Variants in GLT6D1 observed in about 807,000 individuals in gnomAD.
GLT6D1 encodes the protein putative glycosyltransferase 6 domain-containing protein 1.
GLT6D1 carries 9 observed loss-of-function variants against 12.3 expected under a neutral mutation model. The ratio of observed to expected loss-of-function variants is 0.73; its 90% CI spans 0.44 to 1.27. The LOEUF (loss-of-function observed/expected upper bound fraction) is 1.27. Ranked by LOEUF, GLT6D1 falls within the 50% of genes most tolerant of loss-of-function variation. The pLI, the probability that GLT6D1 is intolerant of heterozygous loss-of-function variation, is 0.00. For synonymous variants in GLT6D1, 128 were observed against 132.3 expected, an observed-to-expected ratio of 0.97 and a Z score of 0.23; for missense variants, 335 against 346.2, an observed-to-expected ratio of 0.97 and a Z score of 0.26.
intron 3 of GLT6D1, among the ~76,000 whole-genome samples, chr9:135,627,613 T>C (rs1250604877): frequency 6.6e-6 from 1 of 152,208 alleles, no homozygotes; most frequent in African/African-American, 2.4e-5. Context: ...CTATTACAAA[T>C]ACTACTATTA....
chr9:135,636,443 C>A (rs1833774953), intron 2 of GLT6D1, among the ~76,000 whole-genome samples: 2 of 152,216 alleles, frequency 1.3e-5, no homozygotes, highest in Admixed American at 1.3e-4. Context: ...TGGGATTGTT[C>A]TGTACATTTG....
chr9:135,625,178 T>A (rs528053902), intron 4 of GLT6D1, among the ~76,000 whole-genome samples: 2 of 151,654 alleles, frequency 1.3e-5, no homozygotes, highest in East Asian at 3.9e-4. Context: ...AGTTGGTGAG[T>A]GGGAAGGAAT....
At chr9:135,625,790 A>G (rs972224906) in intron 4 of GLT6D1, among the ~76,000 whole-genome samples, 13 of 152,210 alleles carry the variant, frequency 8.5e-5, no homozygotes, top group Admixed American at 8.5e-4. Flanking sequence ...GGACCTGTGC[A>G]CTAGGGGATA....
intron 4 of GLT6D1, 122 bp downstream of exon 4, chr9:135,625,947 A>G: frequency 9.1e-7 from 1 of 1,094,598 alleles, no homozygotes; most frequent in East Asian, 2.5e-5. Context: ...CTCCCCAGAA[A>G]TCGTGGCTAT....
intron 2 of GLT6D1, among the ~76,000 whole-genome samples, chr9:135,632,690 C>G (rs949034775): frequency 7.1e-6 from 1 of 140,454 alleles, no homozygotes; most frequent in Admixed American, 7.4e-5. Context: ...TTTTTCGAGA[C>G]AGAGTCTTGC....
In GLT6D1 at chr9:135,624,488, G is replaced by A; in HGVS notation, c.440C>T (p.Pro147Leu). The A allele has an allele frequency of 1.9e-6, 3 of 1,608,258 alleles. No individual in the cohort carries two copies. The highest frequency in any genetic ancestry group is 1.7e-6 in the Non-Finnish European group (2 of 1,177,076). The part of the protein sequence containing the change: ...VGTERWWLDG[P>L]LVHVKSLGEH... ...ACCCAGGCTCTTCACATGCACCAGG[G>A]GGCCATCGAGCCACCACCTCTCGGT... Residue 147 changes from proline (P) to leucine (L), a missense_variant, in exon 5 of 5, where the codon CCC becomes CTC. Pro to Leu is a moderately conservative substitution (Grantham distance 98, BLOSUM62 -3). Transcript: ENST00000371763.
intron 2 of GLT6D1, among the ~76,000 whole-genome samples, chr9:135,636,295 G>A (rs1247685450): frequency 2.0e-5 from 3 of 152,104 alleles, no homozygotes; most frequent in African/African-American, 7.2e-5. Context: ...CAGAAGTTGT[G>A]GTGAGTTGAG....
chr9:135,625,956 A>G (rs1833503925), intron 4 of GLT6D1, 113 bp downstream of exon 4: 1 of 1,205,262 alleles, frequency 8.3e-7, no homozygotes. Flanking sequence ...AATCGTGGCT[A>G]TTGTTATCAC....
chr9:135,626,753 T>G (rs1229525210), intron 3 of GLT6D1, among the ~76,000 whole-genome samples: 1 of 152,056 alleles, frequency 6.6e-6, no homozygotes, highest in Non-Finnish European at 1.5e-5. Context: ...GGCCCACCAG[T>G]GCAATCCAGC....
rs931156493 is a variant in GLT6D1 at position 135,639,407 on chromosome 9, G to A, written c.-121C>T. ...ACTGTTCCCCGTGGGTCAGCTGCAC[G>A]TGCACTGTCTCTCCCCGTGTTCACA... On this transcript the variant is annotated 5_prime_UTR_variant, in exon 1 of 5. In the 5' UTR this introduces an upstream ATG that the reference lacks. Transcript: ENST00000371763. The A allele has an allele frequency of 4.7e-5, 21 of 445,954 alleles. No homozygotes were observed. Among genetic ancestry groups the A allele is most frequent in the Admixed American group, 4.0e-4 (10 of 24,858 alleles). 27.6% of individuals were successfully genotyped at this position (445,954 alleles called of 1,614,324 possible). A position where few individuals can be genotyped will look rare whatever the true frequency, so the allele number is the denominator to read the frequency against.
chr9:135,629,452 A>T (rs1261560617), intron 3 of GLT6D1, among the ~76,000 whole-genome samples: 1 of 152,176 alleles, frequency 6.6e-6, no homozygotes. Flanking sequence ...TAATTTTAGA[A>T]TTTAGAAAAA....
chr9:135,629,991 G>A (rs1037038829), intron 3 of GLT6D1, among the ~76,000 whole-genome samples: 4 of 152,126 alleles, frequency 2.6e-5, no homozygotes, highest in Non-Finnish European at 4.4e-5. Context: ...AATCTAAAAT[G>A]TCTCTTGTAG....
At chr9:135,626,250 G>T (rs767434100) in intron 3 of GLT6D1, 44 bp from the exon 4 acceptor site, 1 of 1,605,108 alleles carries the variant, frequency 6.2e-7, no homozygotes. Context: ...CTTTACTGAG[G>T]CGCCGGCAGC....
chr9:135,626,286 C>G, intron 3 of GLT6D1, 80 bp from the exon 4 acceptor site: 1 of 1,469,742 alleles, frequency 6.8e-7, no homozygotes. Context: ...ATGCCTAATG[C>G]TTAGAGAGCA....
At position 135,624,026 on chromosome 9, in the gene GLT6D1, G is replaced by T; in HGVS notation, c.*71C>A. 1.1e-6 allele frequency: 1 copy of T among 909,348 alleles called. No homozygotes were observed. Among genetic ancestry groups the T allele is most frequent in the Non-Finnish European group, 1.7e-6 (1 of 579,482 alleles). 56.3% of individuals were successfully genotyped at this position (909,348 alleles called of 1,614,324 possible). On this transcript the variant is annotated 3_prime_UTR_variant, in exon 5 of 5. Transcript: ENST00000371763. ...TCATAATTTCCTCTGGGAATCATGT[G>T]CGACCTTGACGTATTGGATCTGTGG...
At chr9:135,631,403 G>A (rs775448386) in intron 3 of GLT6D1, 28 bp downstream of exon 3, 8 of 1,559,022 alleles carry the variant, frequency 5.1e-6, no homozygotes, top group Admixed American at 3.3e-5. Flanking sequence ...GTTTGTGTGT[G>A]CATGTAAACA....
At chr9:135,633,611 T>A (rs1279002853) in intron 2 of GLT6D1, among the ~76,000 whole-genome samples, 1 of 152,092 alleles carries the variant, frequency 6.6e-6, no homozygotes, top group East Asian at 1.9e-4. Flanking sequence ...ATCTCTTCAG[T>A]TTAAGATAAG....
chr9:135,625,045 G>A (rs997168574), intron 4 of GLT6D1, among the ~76,000 whole-genome samples: 2 of 151,868 alleles, frequency 1.3e-5, no homozygotes, highest in African/African-American at 4.8e-5. Flanking sequence ...GTGCCCGGCC[G>A]ACACTTACTT....
upstream of GLT6D1, among the ~76,000 whole-genome samples, chr9:135,640,639 G>T (rs1260541867): frequency 6.6e-6 from 1 of 151,852 alleles, no homozygotes; most frequent in Admixed American, 6.6e-5. Context: ...AGAATCGCTT[G>T]AACCCAAGAG....
Sources: allele counts gnomAD v4.1 joint callset (sites outside exome capture counted in the v4.1 genomes callset), GRCh38; gene constraint gnomAD v4.1.1; transcripts MANE v1.5; gene names NCBI Gene and HGNC (gene_info 2026-07-23, HGNC 2026-07-21).